Variants in GALNS observed in about 807,000 individuals in gnomAD.
The protein encoded by GALNS is galactosamine (N-acetyl)-6-sulfatase.
A neutral mutation model predicts 65.9 loss-of-function variants in GALNS; 65 were observed. That is an observed-to-expected ratio of 0.99 (90% CI 0.81 to 1.21). The LOEUF (loss-of-function observed/expected upper bound fraction) is 1.21, where lower values mean the gene tolerates loss of function less well. GALNS is among the 50% of genes most tolerant of loss of function. The pLI is 0.00. For synonymous variants in GALNS, 346 were observed against 288.9 expected (o/e 1.20, Z -2.00); for missense variants, 776 against 700.7 (o/e 1.11, Z -1.21).
chr16:88,829,762 T>C (rs1911292442), intron 9 of GALNS, among the ~76,000 whole-genome samples: 1 of 151,506 alleles, frequency 6.6e-6, no homozygotes, highest in Admixed American at 6.6e-5. Flanking sequence ...GTAGAATGAG[T>C]GGGGAAGAGG....
chr16:88,817,311 T>C (rs1909733393), intron 13 of GALNS: 3 of 985,414 alleles, frequency 3.0e-6, no homozygotes, highest in Non-Finnish European at 3.6e-6. Flanking sequence ...GGCACGTCTG[T>C]GCTTGTGTTT....
At chr16:88,828,381 G>A (rs1057416433) in intron 9 of GALNS, among the ~76,000 whole-genome samples, 1 of 152,184 alleles carries the variant, frequency 6.6e-6, no homozygotes, top group Non-Finnish European at 1.5e-5. Context: ...GAAATGCAGT[G>A]GGCAGCTGCG....
At chr16:88,828,220 C>T (rs1567523139) in intron 9 of GALNS, among the ~76,000 whole-genome samples, 1 of 141,110 alleles carries the variant, frequency 7.1e-6, no homozygotes, top group Non-Finnish European at 1.5e-5. Flanking sequence ...GAAAGAAATC[C>T]AGATGCTTTT....
chr16:88,856,035 G>C (rs1421115340), intron 1 of GALNS: 2 of 619,712 alleles, frequency 3.2e-6, no homozygotes, highest in African/African-American at 3.7e-5. Context: ...GGTGTGTCTG[G>C]GGTCCTGCAC....
At chr16:88,847,094 C>T (rs1967280361) in intron 1 of GALNS, among the ~76,000 whole-genome samples, 1 of 152,156 alleles carries the variant, frequency 6.6e-6, no homozygotes, top group Non-Finnish European at 1.5e-5. Flanking sequence ...CAAACAGCTC[C>T]ACCCGCAGCT....
Position 88,835,768 on chromosome 16 carries a change from CG to C in GALNS, c.714del (p.Val239SerfsTer80). On this transcript the variant is annotated frameshift_variant, in exon 7 of 14. Transcript: ENST00000268695. LOFTEE classifies it high-confidence loss of function. ...LYWAVDATHA[P>X]VYASKPFLGT... ...CCCAAGAAGGGTTTGGAGGCATAGACGGGTGCGTGCGTGGCGTCGACAGCCC... is the reference window on the plus strand; with the variant it reads ...CCCAAGAAGGGTTTGGAGGCATAGACGGTGCGTGCGTGGCGTCGACAGCCC... 6.2e-7 allele frequency: 1 copy of C among 1,614,136 alleles called. No individual in the cohort carries two copies. The highest frequency in any genetic ancestry group is 8.5e-7 in the Non-Finnish European group (1 of 1,180,030).
At chr16:88,855,687 T>G (rs1477817125) in intron 1 of GALNS, 1 of 594,796 alleles carries the variant, frequency 1.7e-6, no homozygotes, top group African/African-American at 1.9e-5. Flanking sequence ...TATTTTACAT[T>G]ATTTTTCTTT....
chr16:88,836,602 C>A (rs146847974), intron 5 of GALNS, among the ~76,000 whole-genome samples: 5,026 of 151,752 alleles, frequency 0.033, 128 homozygotes, highest in South Asian at 0.082. Context: ...TGCAGTGAGC[C>A]GAGATCGCGC....
intron 8 of GALNS, among the ~76,000 whole-genome samples, chr16:88,834,185 C>T (rs1037590719): frequency 1.3e-5 from 2 of 152,230 alleles, no homozygotes; most frequent in African/African-American, 2.4e-5. Flanking sequence ...TGGGACGTGG[C>T]GCGAGGGAGC....
chr16:88,840,464 G>C (rs1243511027), intron 4 of GALNS: 2 of 191,826 alleles, frequency 1.0e-5, no homozygotes, highest in Admixed American at 1.1e-4. Context: ...GAAACATCCT[G>C]TGCGCCTAAA....
At chr16:88,855,304 C>T (rs897978060) in intron 1 of GALNS, 10 of 699,676 alleles carry the variant, frequency 1.4e-5, no homozygotes, top group East Asian at 8.1e-5. Flanking sequence ...GCTCATCCAG[C>T]GAAGCTATGC....
chr16:88,842,531 C>T (rs1597583073), intron 2 of GALNS, 175 bp downstream of exon 2: 1 of 759,274 alleles, frequency 1.3e-6, no homozygotes, highest in East Asian at 2.7e-5. Flanking sequence ...CCCCACATGG[C>T]ACGGAGCCGG....
chr16:88,851,201 C>A (rs1330502256), intron 1 of GALNS, among the ~76,000 whole-genome samples: 1 of 152,160 alleles, frequency 6.6e-6, no homozygotes, highest in Non-Finnish European at 1.5e-5. Flanking sequence ...GCAGGAACCA[C>A]CTTTCTTCTC....
chr16:88,824,667 T>C (rs986139484), intron 11 of GALNS, 100 bp downstream of exon 11: 2 of 960,338 alleles, frequency 2.1e-6, no homozygotes, highest in African/African-American at 1.6e-5. Flanking sequence ...AGTTCCTGCC[T>C]GTCTCACCCT....
chr16:88,854,335 G>C (rs1967660069), intron 1 of GALNS, among the ~76,000 whole-genome samples: 1 of 152,340 alleles, frequency 6.6e-6, no homozygotes, highest in Admixed American at 6.5e-5. Flanking sequence ...AAGGAGAGAA[G>C]ACAGCCTGTG....
rs1292636875 is a variant in GALNS, at chr16:88,818,084, T to G, written c.1405A>C (p.Thr469Pro). Residue 469 changes from threonine (T) to proline (P), a missense_variant, in exon 13 of 14, where the codon ACC becomes CCC. Coordinates refer to ENST00000268695, the MANE Select transcript of GALNS (RefSeq NM_000512.5). ...TCCTGGTGCTGCTGGACGACCGAGGTGATCCTGCTGAGGGCCTCCTGGTAC... is the reference window on the plus strand; with the variant it reads ...TCCTGGTGCTGCTGGACGACCGAGGGGATCCTGCTGAGGGCCTCCTGGTAC... ...AEYQEALSRI[T>P]SVVQQHQEAL... is the part of the protein sequence containing the mutation. 1.3e-6 allele frequency: 2 copies of G among 1,572,972 alleles called. No individual in the cohort carries two copies. Among genetic ancestry groups the G allele is most frequent in the South Asian group, 2.3e-5 (2 of 86,310 alleles).
At chr16:88,815,863 G>A (rs1297449911) in intron 13 of GALNS, 20 of 985,230 alleles carry the variant, frequency 2.0e-5, no homozygotes, top group Middle Eastern at 5.2e-4. Context: ...GTCTGGATGG[G>A]GGATCTGCAT....
intron 1 of GALNS, chr16:88,855,196 A>G (rs759619992): frequency 5.8e-6 from 4 of 685,228 alleles, no homozygotes; most frequent in Non-Finnish European, 1.1e-5. Context: ...TCTTCAACAT[A>G]AAAAATTATT....
In GALNS at chr16:88,826,307, C is replaced by T. The variant is rs147302782; in HGVS notation, c.1139+395G>A. Reference sequence around the variant, plus strand: ...ACAGGGGTGGGGCGGACAGGGGCGGCGTGTGTCTGGGTACAGGCAGGGAAC... The same window carrying T: ...ACAGGGGTGGGGCGGACAGGGGCGGTGTGTGTCTGGGTACAGGCAGGGAAC... On this transcript the variant is annotated intron_variant, in intron 10 of 13. Transcript: ENST00000268695. Among the ~76,000 whole-genome samples, 888 of 120,620 alleles carry T rather than the reference C, an allele frequency of 7.4e-3. 1 individual carries two copies. The highest frequency in any genetic ancestry group is 0.015 in the South Asian group (50 of 3,248). The allele number at this position is 120,620 out of a possible 152,430, so 79.1% of individuals were successfully genotyped here. A position where few individuals can be genotyped will look rare whatever the true frequency, so the allele number is the denominator to read the frequency against.
Sources: allele counts gnomAD v4.1 joint callset (sites outside exome capture counted in the v4.1 genomes callset), GRCh38; gene constraint gnomAD v4.1.1; transcripts MANE v1.5; gene names NCBI Gene and HGNC (gene_info 2026-07-23, HGNC 2026-07-21).